The following PIBF1 variants were observed in gnomAD, a reference collection of about 807,000 sequenced individuals.
PIBF1 encodes progesterone-induced-blocking factor 1.
PIBF1 carries 90 observed loss-of-function variants against 112.5 expected under a neutral mutation model. That is an observed-to-expected ratio of 0.80 (90% CI 0.67 to 0.95). PIBF1 has a LOEUF of 0.95. Among genes scored for constraint, PIBF1 ranks in the 40% least tolerant of loss-of-function variants. The probability of loss-of-function intolerance (pLI) is 0.00; values close to 1 mark genes in which losing one functional copy is unlikely to be tolerated. For missense variants in PIBF1, 915 were observed against 852.3 expected, an observed-to-expected ratio of 1.07 and a Z score of -0.92; for synonymous variants, 301 against 288.6, an observed-to-expected ratio of 1.04 and a Z score of -0.44.
At chr13:73,001,972 A>G (rs1437461797) in intron 17 of PIBF1, among the ~76,000 whole-genome samples, 1 of 152,096 alleles carries the variant, frequency 6.6e-6, no homozygotes, top group Non-Finnish European at 1.5e-5. Flanking sequence ...TTTACAGTGT[A>G]CAAGTGATAT....
At chr13:72,854,405 AG>A in intron 10 of PIBF1, among the ~76,000 whole-genome samples, 1 of 152,336 alleles carries the variant, frequency 6.6e-6, no homozygotes, top group Admixed American at 6.5e-5. Context: ...AGAACAGTTC[AG>A]TTACTCCAGA....
chr13:72,866,684 T>C (rs2038940732), intron 10 of PIBF1, among the ~76,000 whole-genome samples: 1 of 152,188 alleles, frequency 6.6e-6, no homozygotes, highest in Non-Finnish European at 1.5e-5. Context: ...AACCTAGCTT[T>C]AGACAAGCTA....
chr13:72,803,848 G>A (rs2035601408), intron 5 of PIBF1, among the ~76,000 whole-genome samples: 1 of 152,190 alleles, frequency 6.6e-6, no homozygotes, highest in African/African-American at 2.4e-5. Flanking sequence ...AGGTTCAATT[G>A]TCATCAGTGA....
chr13:72,845,659 C>T (rs1413474544), intron 9 of PIBF1, among the ~76,000 whole-genome samples: 2 of 152,146 alleles, frequency 1.3e-5, no homozygotes, highest in Non-Finnish European at 2.9e-5. Flanking sequence ...CTGCTTCTCA[C>T]CAGCATCTGT....
chr13:72,894,241 ATAGAACTTCAC>A (rs1325670138), intron 11 of PIBF1, among the ~76,000 whole-genome samples: 2 of 152,080 alleles, frequency 1.3e-5, no homozygotes, highest in African/African-American at 4.8e-5. Context: ...GAAGAAAACT[ATAGAACTTCAC>A]TGACATGTGA....
intron 9 of PIBF1, among the ~76,000 whole-genome samples, chr13:72,845,269 G>A (rs1391199787): frequency 6.6e-6 from 1 of 152,026 alleles, no homozygotes; most frequent in Non-Finnish European, 1.5e-5. Context: ...GTTTGCTGAG[G>A]ATGATGGTTT....
At chr13:72,936,601 A>G (rs904186800) in intron 14 of PIBF1, among the ~76,000 whole-genome samples, 4 of 152,186 alleles carry the variant, frequency 2.6e-5, no homozygotes, top group African/African-American at 9.7e-5. Context: ...TTGTTGAGAA[A>G]CAATCATTTA....
intron 14 of PIBF1, among the ~76,000 whole-genome samples, chr13:72,933,829 T>A (rs2041784134): frequency 6.6e-6 from 1 of 152,244 alleles, no homozygotes; most frequent in Non-Finnish European, 1.5e-5. Context: ...ACTTAAATGC[T>A]GAAATATTTA....
At position 72,811,925 on chromosome 13, in the gene PIBF1, T is replaced by A. The variant is rs541858486; in HGVS notation, c.673-9924T>A. Reference sequence around the variant, plus strand: ...TGGGAAGAAGTTTCATTTAGCTGATTGTTTTATACATGCTGTATGAAGAGA... The same window carrying A: ...TGGGAAGAAGTTTCATTTAGCTGATAGTTTTATACATGCTGTATGAAGAGA... On this transcript the variant is annotated intron_variant, in intron 5 of 17. Transcript: ENST00000326291. Among the ~76,000 whole-genome samples the A allele has an allele frequency of 7.9e-5, 12 of 152,352 alleles. No individual in the cohort carries two copies. The South Asian group carries it at 2.5e-3, about 32-fold the overall frequency.
intron 16 of PIBF1, among the ~76,000 whole-genome samples, chr13:72,977,015 T>TAAA (rs2043039435): frequency 6.6e-6 from 1 of 152,182 alleles, no homozygotes; most frequent in Non-Finnish European, 1.5e-5. Context: ...GGCCGCTAGC[T>TAAA]TGTCTCACCC....
chr13:72,802,595 A>T (rs1441593642), intron 5 of PIBF1, among the ~76,000 whole-genome samples: 1 of 152,204 alleles, frequency 6.6e-6, no homozygotes, highest in East Asian at 1.9e-4. Context: ...AACTGGAAGG[A>T]TAGATTTCTG....
At chr13:73,014,152 T>C in intron 17 of PIBF1, among the ~76,000 whole-genome samples, 1 of 151,512 alleles carries the variant, frequency 6.6e-6, no homozygotes, top group Non-Finnish European at 1.5e-5. Context: ...TTGTGTATTG[T>C]TTGTAGAGAT....
chr13:72,958,891 C>A (rs1165123563), intron 14 of PIBF1, among the ~76,000 whole-genome samples: 4 of 152,136 alleles, frequency 2.6e-5, no homozygotes, highest in Non-Finnish European at 5.9e-5. Flanking sequence ...TTCTTCAAAT[C>A]TGGCTGATTA....
At chr13:72,809,810 A>G (rs1176915157) in intron 5 of PIBF1, among the ~76,000 whole-genome samples, 2 of 152,002 alleles carry the variant, frequency 1.3e-5, no homozygotes, top group Admixed American at 1.3e-4. Context: ...GCTGGTCTCG[A>G]ACTCCTGACC....
At chr13:72,916,995 ACCT>A (rs1295647730) in intron 12 of PIBF1, 78 bp from the exon 13 acceptor site, 1 of 859,066 alleles carries the variant, frequency 1.2e-6, no homozygotes. Context: ...ATTTGTTATA[ACCT>A]CCTTTATTTT....
At chr13:72,989,605 G>A (rs1277075728) in intron 16 of PIBF1, among the ~76,000 whole-genome samples, 2 of 152,140 alleles carry the variant, frequency 1.3e-5, no homozygotes, top group African/African-American at 2.4e-5. Flanking sequence ...CAGGATAGGA[G>A]GGTATAGTTA....
chr13:73,013,534 A>G (rs1337055129), intron 17 of PIBF1, among the ~76,000 whole-genome samples: 1 of 151,660 alleles, frequency 6.6e-6, no homozygotes, highest in Non-Finnish European at 1.5e-5. Flanking sequence ...GATAAAGACA[A>G]AATCCTAGCC....
intron 16 of PIBF1, among the ~76,000 whole-genome samples, chr13:72,992,993 T>C (rs79684159): frequency 0.012 from 1,900 of 152,322 alleles, 38 homozygotes; most frequent in African/African-American, 0.042. Context: ...CACATTGTTA[T>C]AATTAATTTC....
chr13:72,973,892 T>G (rs1056155793), intron 16 of PIBF1: 12 of 480,610 alleles, frequency 2.5e-5, no homozygotes, highest in African/African-American at 2.4e-4. Flanking sequence ...TTGATATCTG[T>G]CACTGAATTT....
Sources: gnomAD v4.1 joint callset for allele counts (sites outside exome capture counted in the v4.1 genomes callset) on GRCh38, gnomAD v4.1.1 for gene constraint, MANE v1.5 for transcripts, NCBI Gene and HGNC (gene_info 2026-07-23, HGNC 2026-07-21) for gene names.